The following ELAVL2 variants were observed in gnomAD, a reference collection of about 807,000 sequenced individuals.
ELAVL2 encodes ELAV-like protein 2.
In ELAVL2, 4 loss-of-function variants were observed where a neutral mutation model predicts 34.6. The ratio of observed to expected loss-of-function variants is 0.12; its 90% CI spans 0.06 to 0.26. The LOEUF is 0.26. Ranked by LOEUF, ELAVL2 falls within the 10% of genes least tolerant of loss-of-function variation. The pLI is 1.00. For missense variants in ELAVL2, 432 were observed against 442.8 expected (o/e 0.98, Z 0.22); for synonymous variants, 193 against 154.8 (o/e 1.25, Z -1.83).
intron 2 of ELAVL2, among the ~76,000 whole-genome samples, chr9:23,743,241 T>C (rs759914856): frequency 2.0e-5 from 3 of 152,176 alleles, no homozygotes; most frequent in Non-Finnish European, 2.9e-5. Context: ...ACAGGGCAAC[T>C]TGCCCACCAA....
chr9:23,781,326 C>G (rs2059029890), intron 1 of ELAVL2, among the ~76,000 whole-genome samples: 1 of 152,038 alleles, frequency 6.6e-6, no homozygotes, highest in Non-Finnish European at 1.5e-5. Context: ...CTGAGAAATT[C>G]AAATTAATGG....
intron 2 of ELAVL2, among the ~76,000 whole-genome samples, chr9:23,747,012 A>G (rs2050669159): frequency 6.6e-6 from 1 of 151,800 alleles, no homozygotes; most frequent in Non-Finnish European, 1.5e-5. Flanking sequence ...CTCCTTCTCT[A>G]CCTCCCTTGA....
In ELAVL2 at chr9:23,739,241, T is replaced by C. The variant is rs191622377; in HGVS notation, c.230-8116A>G. ...GCCTGAAAGAAAGTGACTGAGATAG[T>C]GTAGCACGCTCAGCACCACAATGAA... On this transcript the variant is annotated intron_variant, in intron 2 of 6. Coordinates refer to ENST00000397312, the MANE Select transcript of ELAVL2 (RefSeq NM_004432.5). Among the ~76,000 whole-genome samples, 298 of 152,254 alleles carry C rather than the reference T, an allele frequency of 2.0e-3. 3 individuals carry two copies. The highest frequency in any genetic ancestry group is 5.1e-4 in the Non-Finnish European group (35 of 68,016).
At chr9:23,771,226 T>C (rs1393372712) in intron 1 of ELAVL2, among the ~76,000 whole-genome samples, 1 of 152,106 alleles carries the variant, frequency 6.6e-6, no homozygotes, top group African/African-American at 2.4e-5. Flanking sequence ...GAAAACACAT[T>C]ATTAAGGTGC....
At chr9:23,727,325 C>G (rs2045472741) in intron 3 of ELAVL2, among the ~76,000 whole-genome samples, 1 of 152,068 alleles carries the variant, frequency 6.6e-6, no homozygotes, top group East Asian at 1.9e-4. Flanking sequence ...GAGACGGATA[C>G]GTTGTTTTCA....
intron 1 of ELAVL2, among the ~76,000 whole-genome samples, chr9:23,791,170 G>T (rs1460620240): frequency 6.6e-6 from 1 of 152,186 alleles, no homozygotes; most frequent in African/African-American, 2.4e-5. Context: ...AAAGGCAGAG[G>T]TGGTCACAAA....
At chr9:23,720,416 C>A (rs566474938) in intron 3 of ELAVL2, among the ~76,000 whole-genome samples, 1 of 152,154 alleles carries the variant, frequency 6.6e-6, no homozygotes, top group African/African-American at 2.4e-5. Flanking sequence ...GACTGCCCAC[C>A]TCAGCCTCCC....
At chr9:23,837,663 T>C in the ELAVL2 span, among the ~76,000 whole-genome samples, 1 of 152,148 alleles carries the variant, frequency 6.6e-6, no homozygotes, top group Non-Finnish European at 1.5e-5. Context: ...GGAGTACCTT[T>C]AAGGTACTTC....
intron 5 of ELAVL2, among the ~76,000 whole-genome samples, chr9:23,696,710 T>A (rs1248409004): frequency 1.3e-5 from 2 of 152,048 alleles, no homozygotes; most frequent in African/African-American, 2.4e-5. Flanking sequence ...GACCTCGTGA[T>A]CCACCCGCCT....
chr9:23,766,342 G>C (rs150060192), intron 1 of ELAVL2, among the ~76,000 whole-genome samples: 1 of 152,212 alleles, frequency 6.6e-6, no homozygotes, highest in African/African-American at 2.4e-5. Flanking sequence ...GTGAAAAAGT[G>C]CTTTACACCC....
Position 23,693,464 on chromosome 9 carries a change from C to T in ELAVL2, c.736G>A (p.Ala246Thr). Residue 246 changes from alanine to threonine, a missense_variant, in exon 6 of 7, where the codon GCT (alanine) becomes ACT (threonine). Transcript: ENST00000397312. Reference protein sequence around the residue: ...RFRLDNLLNMAYGVKRFSPMT... With the variant: ...RFRLDNLLNMTYGVKRFSPMT... Reference sequence around the variant, plus strand: ...TATCATTACCTCTTTACTCCATAAGCCATATTGAGCAGATTGTCCAACCTG... The same window carrying T: ...TATCATTACCTCTTTACTCCATAAGTCATATTGAGCAGATTGTCCAACCTG... The T allele has an allele frequency of 6.2e-7, 1 of 1,614,050 alleles. No homozygotes were observed. The highest frequency in any genetic ancestry group is 2.2e-5 in the East Asian group (1 of 44,860).
intron 2 of ELAVL2, among the ~76,000 whole-genome samples, chr9:23,748,384 G>C (rs1403734347): frequency 6.6e-6 from 1 of 152,090 alleles, no homozygotes; most frequent in South Asian, 2.1e-4. Flanking sequence ...GACCCCACAC[G>C]GATGTTTGTC....
chr9:23,753,846 T>C (rs2052802327), intron 2 of ELAVL2, among the ~76,000 whole-genome samples: 1 of 152,172 alleles, frequency 6.6e-6, no homozygotes, highest in South Asian at 2.1e-4. Context: ...GGGGCAAATG[T>C]TACAAGAGAA....
chr9:23,801,897 G>T (rs2061608139), intron 1 of ELAVL2, among the ~76,000 whole-genome samples: 1 of 152,134 alleles, frequency 6.6e-6, no homozygotes, highest in African/African-American at 2.4e-5. Context: ...GAATTGACAG[G>T]TGGAGCCCTG....
At chr9:23,813,653 A>G (rs1272218590) in intron 1 of ELAVL2, among the ~76,000 whole-genome samples, 3 of 152,034 alleles carry the variant, frequency 2.0e-5, no homozygotes, top group Non-Finnish European at 4.4e-5. Context: ...CCAGGGGGGG[A>G]GGAGAGAAAA....
At position 23,709,276 on chromosome 9, in the gene ELAVL2, T is replaced by C. The variant is rs1396557006; in HGVS notation, c.334-4205A>G. Reference sequence around the variant, plus strand: ...TTCCTGGAAAACATTTCTTCTTTCATCTAAAAAGATTATAAATAGAAAATG... The same window carrying C: ...TTCCTGGAAAACATTTCTTCTTTCACCTAAAAAGATTATAAATAGAAAATG... On this transcript the variant is annotated intron_variant, in intron 3 of 6. Transcript: ENST00000397312. Among the ~76,000 whole-genome samples the C allele has an allele frequency of 2.0e-5, 3 of 152,126 alleles. No individual in the cohort carries two copies. In the East Asian group the frequency reaches 5.8e-4, roughly 29 times the overall value.
rs2033105475 is a variant in ELAVL2, at chr9:23,691,315, A to T, written c.*1242T>A. 6.6e-6 allele frequency: 1 copy of T among 152,638 alleles called. No homozygotes were observed. The highest frequency in any genetic ancestry group is 6.5e-5 in the Admixed American group (1 of 15,276). The allele number at this position is 152,638 out of a possible 1,614,324, so 9.5% of individuals were successfully genotyped here. On this transcript the variant is annotated 3_prime_UTR_variant, in exon 7 of 7. Coordinates refer to ENST00000397312, the MANE Select transcript of ELAVL2 (RefSeq NM_004432.5). ...ACAAGGTCTTATTTACATTACACAA[A>T]GCTCAGGTGTTAGCCTTGAACGTAA...
chr9:23,832,378 C>A, the ELAVL2 span: 3 of 152,156 alleles, frequency 2.0e-5, no homozygotes, highest in African/African-American at 7.2e-5. Context: ...CTAACACATA[C>A]CTGATTCTTA....
intron 1 of ELAVL2, among the ~76,000 whole-genome samples, chr9:23,816,441 GA>G (rs2063736294): frequency 6.7e-6 from 1 of 149,814 alleles, no homozygotes; most frequent in African/African-American, 2.5e-5. Flanking sequence ...TAAAGTTGCT[GA>G]AATAATCTCC....
Sources: allele counts gnomAD v4.1 joint callset (sites outside exome capture counted in the v4.1 genomes callset), GRCh38; gene constraint gnomAD v4.1.1; transcripts MANE v1.5; gene names NCBI Gene and HGNC (gene_info 2026-07-23, HGNC 2026-07-21).